Variants in TRIO observed in about 807,000 individuals in gnomAD.
The protein encoded by TRIO is trio Rho guanine nucleotide exchange factor.
TRIO carries 58 observed loss-of-function variants against 351.9 expected under a neutral mutation model. The ratio of observed to expected loss-of-function variants is 0.16; its 90% CI spans 0.13 to 0.21. The LOEUF (loss-of-function observed/expected upper bound fraction) is 0.21. Ranked by LOEUF, TRIO falls within the 10% of genes least tolerant of loss-of-function variation. The pLI is 1.00. For missense variants in TRIO, 3,201 were observed against 4,027.8 expected (o/e 0.79, Z 5.56); for synonymous variants, 1,758 against 1,595.7 (o/e 1.10, Z -2.42).
intron 1 of TRIO, among the ~76,000 whole-genome samples, chr5:14,145,609 C>T (rs1787467868): frequency 6.6e-6 from 1 of 151,884 alleles, no homozygotes; most frequent in Non-Finnish European, 1.5e-5. Flanking sequence ...GTCTAGCTTT[C>T]TCTCTACCTA....
intron 29 of TRIO, among the ~76,000 whole-genome samples, chr5:14,398,196 C>G (rs1260743049): frequency 6.6e-6 from 1 of 152,182 alleles, no homozygotes; most frequent in Admixed American, 6.5e-5. Context: ...AGGTAATGGG[C>G]AGCCTCTGCC....
At chr5:14,157,566 T>G (rs1053844538) in intron 1 of TRIO, among the ~76,000 whole-genome samples, 5 of 149,020 alleles carry the variant, frequency 3.4e-5, no homozygotes, top group Non-Finnish European at 6.0e-5. Flanking sequence ...TCTCCCTGTC[T>G]CTCTCTCTCT....
intron 1 of TRIO, among the ~76,000 whole-genome samples, chr5:14,259,165 G>A (rs751146150): frequency 1.3e-5 from 2 of 152,198 alleles, no homozygotes; most frequent in Non-Finnish European, 2.9e-5. Context: ...TGTTTGCATC[G>A]TTCTGTTGAT....
intron 34 of TRIO, among the ~76,000 whole-genome samples, chr5:14,426,305 T>TC (rs1750638252): frequency 6.6e-6 from 1 of 152,166 alleles, no homozygotes; most frequent in Non-Finnish European, 1.5e-5. Flanking sequence ...GGGGCTTTTT[T>TC]CCCTCTCACT....
chr5:14,321,887 GC>G (rs1221522753), intron 9 of TRIO, among the ~76,000 whole-genome samples: 2 of 152,158 alleles, frequency 1.3e-5, no homozygotes, highest in East Asian at 3.9e-4. Flanking sequence ...AAGCTCTCTT[GC>G]CTGCTGCCAT....
chr5:14,497,552 C>T lies in TRIO; in HGVS notation c.8020-295C>T, dbSNP rs759049325. Among the ~76,000 whole-genome samples the T allele has an allele frequency of 2.6e-5, 4 of 152,150 alleles. No individual in the cohort carries two copies. The highest frequency in any genetic ancestry group is 5.9e-5 in the Non-Finnish European group (4 of 68,034). On this transcript the variant is annotated intron_variant, in intron 50 of 56. Transcript: ENST00000344204. This position sits in a 1 kb window ranked among gnomAD's most constrained non-coding sequence, Gnocchi z 4.4. Reference sequence around the variant, plus strand: ...GGACTCTGAGCGCCAGGGGCCAGGGCGTTGGCGGCTCTGCATTAGGAACGC... The same window carrying T: ...GGACTCTGAGCGCCAGGGGCCAGGGTGTTGGCGGCTCTGCATTAGGAACGC...
At chr5:14,304,184 G>T (rs548787396) in intron 7 of TRIO, among the ~76,000 whole-genome samples, 1 of 152,244 alleles carries the variant, frequency 6.6e-6, no homozygotes, top group East Asian at 1.9e-4. Flanking sequence ...GGGCTGCATT[G>T]CTCTAGGGGC....
intron 33 of TRIO, among the ~76,000 whole-genome samples, chr5:14,407,403 T>G (rs1227888312): frequency 6.6e-6 from 1 of 152,242 alleles, no homozygotes; most frequent in Non-Finnish European, 1.5e-5. Flanking sequence ...AAGGAAGTTC[T>G]GTGAAGCAGA....
At chr5:14,480,702 T>C (rs1185694105) in intron 43 of TRIO, among the ~76,000 whole-genome samples, 2 of 152,176 alleles carry the variant, frequency 1.3e-5, no homozygotes, top group Non-Finnish European at 2.9e-5. Context: ...CAGGAACAAT[T>C]GGATAGATCT....
At chr5:14,209,033 T>C (rs539434941) in intron 1 of TRIO, among the ~76,000 whole-genome samples, 1 of 152,362 alleles carries the variant, frequency 6.6e-6, no homozygotes, top group African/African-American at 2.4e-5. Flanking sequence ...TTTAAAATAG[T>C]GCACCAGAAT....
chr5:14,169,554 G>T (rs1482301597), intron 1 of TRIO, among the ~76,000 whole-genome samples: 1 of 152,104 alleles, frequency 6.6e-6, no homozygotes, highest in African/African-American at 2.4e-5. Flanking sequence ...CAAGTCTTTG[G>T]TGTTCTTTAC....
At chr5:14,489,456 T>C (rs1052517092) in intron 48 of TRIO, among the ~76,000 whole-genome samples, 2 of 152,132 alleles carry the variant, frequency 1.3e-5, no homozygotes, top group Non-Finnish European at 2.9e-5. Flanking sequence ...GAGCATAGAT[T>C]TGAGTCCAGT....
intron 9 of TRIO, among the ~76,000 whole-genome samples, chr5:14,323,082 T>TC (rs917687917): frequency 2.0e-5 from 3 of 152,042 alleles, no homozygotes; most frequent in Non-Finnish European, 4.4e-5. Flanking sequence ...AAGGGCTGGC[T>TC]CCCTCCCACA....
At chr5:14,304,662 A>C in intron 8 of TRIO, 70 bp downstream of exon 8, 3 of 1,529,050 alleles carry the variant, frequency 2.0e-6, no homozygotes, top group Non-Finnish European at 2.6e-6. Context: ...GGAAGCTAGA[A>C]AAAAAAAAGT....
At chr5:14,410,176 G>GT (rs1554073395) in intron 33 of TRIO, among the ~76,000 whole-genome samples, 5 of 152,162 alleles carry the variant, frequency 3.3e-5, no homozygotes, top group Non-Finnish European at 2.9e-5. Context: ...ATTAAACGGC[G>GT]TATGAGACTT....
intron 1 of TRIO, among the ~76,000 whole-genome samples, chr5:14,248,271 TAAA>T (rs1794549771): frequency 6.6e-6 from 1 of 152,186 alleles, no homozygotes; most frequent in African/African-American, 2.4e-5. Context: ...CCTTCCCACT[TAAA>T]AAATTACAAA....
chr5:14,207,291 AGC>A (rs1561201631), intron 1 of TRIO, among the ~76,000 whole-genome samples: 25 of 40,170 alleles, frequency 6.2e-4, no homozygotes, highest in African/African-American at 1.4e-3. Context: ...ACACACACAC[AGC>A]CAGGTAGCAT....
At chr5:14,446,783 C>G (rs1236373477) in intron 34 of TRIO, among the ~76,000 whole-genome samples, 6 of 152,078 alleles carry the variant, frequency 3.9e-5, no homozygotes, top group African/African-American at 1.5e-4. Flanking sequence ...TTTGAATTAA[C>G]CAGGGACTGT....
At chr5:14,210,754 T>C (rs1156325583) in intron 1 of TRIO, among the ~76,000 whole-genome samples, 6 of 152,232 alleles carry the variant, frequency 3.9e-5, no homozygotes, top group Admixed American at 3.9e-4. Flanking sequence ...AAGTGCAGCT[T>C]ACTCTATTCA....
Sources: allele counts gnomAD v4.1 joint callset (sites outside exome capture counted in the v4.1 genomes callset), GRCh38; gene constraint gnomAD v4.1.1; non-coding constraint Gnocchi (gnomAD v3.1); transcripts MANE v1.5; gene names NCBI Gene and HGNC (gene_info 2026-07-23, HGNC 2026-07-21).